CHLSN: variants seen among roughly 807,000 people sequenced by gnomAD.
The protein encoded by CHLSN is cholesin, also known as protein cholesin.
chr7:1,060,115 A>G, the CHLSN span, among the ~76,000 whole-genome samples: 6 of 152,098 alleles, frequency 3.9e-5, no homozygotes, highest in African/African-American at 1.4e-4. Context: ...CCTTCCACCC[A>G]TTGGGATTTT....
chr7:1,119,280 A>G, the CHLSN span, among the ~76,000 whole-genome samples: 2 of 151,756 alleles, frequency 1.3e-5, no homozygotes, highest in African/African-American at 4.8e-5. Context: ...TTCACAAAAA[A>G]CAAATCAAAA....
At chr7:1,093,200 C>T in the CHLSN span, 6 of 518,194 alleles carry the variant, frequency 1.2e-5, no homozygotes, top group African/African-American at 5.8e-5. Context: ...CTGACACCGT[C>T]GACCAGGAAA....
chr7:1,092,611 A>G, the CHLSN span: 1 of 1,612,080 alleles, frequency 6.2e-7, no homozygotes, highest in Non-Finnish European at 8.5e-7. Context: ...CGCTCCCTGC[A>G]AGCAGTCTTT....
At chr7:1,028,283 G>A in the CHLSN span, 2 of 1,070,096 alleles carry the variant, frequency 1.9e-6, no homozygotes, top group African/African-American at 1.7e-5. Context: ...CAGGTCCCGC[G>A]GGCACGGACG....
the CHLSN span, among the ~76,000 whole-genome samples, chr7:1,005,657 G>T: frequency 6.6e-6 from 1 of 152,256 alleles, no homozygotes; most frequent in Non-Finnish European, 1.5e-5. Flanking sequence ...GTCATTCCAG[G>T]GTTCCAGGCC....
chr7:1,109,425 C>G, the CHLSN span: 1 of 152,266 alleles, frequency 6.6e-6, no homozygotes, highest in Non-Finnish European at 1.5e-5. Context: ...CCAGCCGACA[C>G]GCGTGGCCCC....
chr7:1,092,212 G>T, the CHLSN span: 9 of 1,612,890 alleles, frequency 5.6e-6, no homozygotes, highest in African/African-American at 1.2e-4. Flanking sequence ...CCTGGCCAGG[G>T]CCATGCGCTG....
At chr7:1,128,683 C>T in the CHLSN span, among the ~76,000 whole-genome samples, 225 of 19,914 alleles carry the variant, frequency 0.011, no homozygotes, top group Non-Finnish European at 0.013. Context: ...TCGGCTCATC[C>T]CACCGTCACC....
the CHLSN span, among the ~76,000 whole-genome samples, chr7:1,076,563 C>T: frequency 6.6e-6 from 1 of 152,250 alleles, no homozygotes; most frequent in Non-Finnish European, 1.5e-5. Flanking sequence ...CACAGGCAAG[C>T]GTCATGCACA....
At chr7:1,136,640 G>C in the CHLSN span, among the ~76,000 whole-genome samples, 1 of 143,040 alleles carries the variant, frequency 7.0e-6, no homozygotes, top group Non-Finnish European at 1.5e-5. Context: ...ATATATATAT[G>C]CGGATGTGTG....
chr7:1,063,890 G>A, the CHLSN span, among the ~76,000 whole-genome samples: 1 of 152,232 alleles, frequency 6.6e-6, no homozygotes, highest in East Asian at 1.9e-4. Flanking sequence ...ACAGAAGGGC[G>A]AGCTCTACCA....
chr7:1,136,379 AATATATAAACATATATATAAAT>A, the CHLSN span, among the ~76,000 whole-genome samples: 282 of 100,166 alleles, frequency 2.8e-3, 1 homozygote, highest in Middle Eastern at 0.029. Flanking sequence ...AATATATATA[AATATATAAACATATATATAAAT>A]ATATATAAAC....
At chr7:1,071,140 G>A in the CHLSN span, among the ~76,000 whole-genome samples, 2 of 152,228 alleles carry the variant, frequency 1.3e-5, 1 homozygote, top group Non-Finnish European at 2.9e-5. Context: ...ACTCATAGAG[G>A]CCCCGCACGC....
At chr7:1,136,550 A>ATAAATATATGTAAACATATATATG in the CHLSN span, among the ~76,000 whole-genome samples, 1 of 112,378 alleles carries the variant, frequency 8.9e-6, no homozygotes, top group African/African-American at 3.6e-5. Flanking sequence ...GAACATATAT[A>ATAAATATATGTAAACATATATATG]AACATATATA....
chr7:984,934 C>G, the CHLSN span: 1 of 1,581,560 alleles, frequency 6.3e-7, no homozygotes. Flanking sequence ...TCACCACGCA[C>G]TGTATCTGCC....
the CHLSN span, among the ~76,000 whole-genome samples, chr7:1,106,086 CAG>C: frequency 4.2e-4 from 64 of 152,266 alleles, no homozygotes; most frequent in African/African-American, 1.5e-3. Flanking sequence ...ACGGGAAATG[CAG>C]AGTGTTTCCA....
chr7:1,075,159 C>T, the CHLSN span, among the ~76,000 whole-genome samples: 1 of 152,170 alleles, frequency 6.6e-6, no homozygotes, highest in Admixed American at 6.5e-5. Context: ...GAGGACCAAA[C>T]ACGGGAGGGG....
the CHLSN span, among the ~76,000 whole-genome samples, chr7:1,113,132 C>T: frequency 2.6e-5 from 4 of 152,022 alleles, no homozygotes; most frequent in East Asian, 1.9e-4. Flanking sequence ...CACGTACAAC[C>T]GTGGACTCTG....
At chr7:988,855 C>T in the CHLSN span, 4 of 1,352,834 alleles carry the variant, frequency 3.0e-6, no homozygotes, top group South Asian at 1.3e-5. Context: ...CTCCTGACCA[C>T]TCCCCTCCCA....
Sources: allele counts gnomAD v4.1 joint callset (sites outside exome capture counted in the v4.1 genomes callset), GRCh38; gene constraint gnomAD v4.1.1; transcripts MANE v1.5; gene names NCBI Gene and HGNC (gene_info 2026-07-23, HGNC 2026-07-21).